Variants in RPTOR observed in about 807,000 individuals in gnomAD.
The protein encoded by RPTOR is regulatory associated protein of MTOR complex 1, also known as regulatory-associated protein of mTOR.
In RPTOR, 21 loss-of-function variants were observed where a neutral mutation model predicts 169.9. The ratio of observed to expected loss-of-function variants is 0.12; its 90% CI spans 0.09 to 0.18. The LOEUF (loss-of-function observed/expected upper bound fraction) is 0.18. Ranked by LOEUF, RPTOR falls within the 10% of genes least tolerant of loss-of-function variation. The pLI, the probability that RPTOR is intolerant of heterozygous loss-of-function variation, is 1.00. For missense variants in RPTOR, 1,133 were observed against 1,855.9 expected, an observed-to-expected ratio of 0.61 and a Z score of 7.16; for synonymous variants, 732 against 753.2, an observed-to-expected ratio of 0.97 and a Z score of 0.46.
At chr17:80,940,642 G>A in intron 25 of RPTOR, 41 bp downstream of exon 25, 1 of 1,525,592 alleles carries the variant, frequency 6.6e-7, no homozygotes, top group Non-Finnish European at 8.9e-7. Flanking sequence ...TCATTCCGGG[G>A]GTGGGGCCTG....
At chr17:80,809,068 CTT>C (rs1310466493) in intron 7 of RPTOR, among the ~76,000 whole-genome samples, 1 of 152,232 alleles carries the variant, frequency 6.6e-6, no homozygotes, top group Non-Finnish European at 1.5e-5. Flanking sequence ...GTGTGTTTAA[CTT>C]TATAAGAAAT....
chr17:80,597,509 TTTTCTCTTTTC>T (rs970403955), intron 1 of RPTOR, among the ~76,000 whole-genome samples: 5 of 152,020 alleles, frequency 3.3e-5, no homozygotes, highest in Non-Finnish European at 7.4e-5. Context: ...ATAGGCTTTG[TTTTCTCTTTTC>T]TTTTTCTTAT....
At chr17:80,950,335 C>T (rs2069158843) in intron 28 of RPTOR, among the ~76,000 whole-genome samples, 1 of 152,178 alleles carries the variant, frequency 6.6e-6, no homozygotes, top group Admixed American at 6.5e-5. Flanking sequence ...TGTGGCCTTA[C>T]ACCTCGTGGT....
At chr17:80,903,161 C>T (rs572312214) in intron 20 of RPTOR, among the ~76,000 whole-genome samples, 29 of 152,350 alleles carry the variant, frequency 1.9e-4, no homozygotes, top group Admixed American at 1.0e-3. Flanking sequence ...AGCCTGGAGC[C>T]GGCCCTGGTG....
intron 16 of RPTOR, 33 bp downstream of exon 16, chr17:80,884,005 C>T (rs1221409734): frequency 6.3e-7 from 1 of 1,590,026 alleles, no homozygotes; most frequent in Admixed American, 1.7e-5. Context: ...GTCCAGTCCT[C>T]CTGGCTGCCG....
rs2143744556 is a variant in RPTOR, at chr17:80,855,478, A to T, written c.1329A>T (p.Gln443His). 1 of 1,613,870 alleles carries T rather than the reference A, an allele frequency of 6.2e-7. No individual in the cohort carries two copies. Among genetic ancestry groups the T allele is most frequent in the Non-Finnish European group, 8.5e-7 (1 of 1,179,746 alleles). The change falls in exon 12 of 34, where the codon CAA (glutamine) becomes CAT (histidine). Residue 443 changes from glutamine to histidine, a missense_variant. Physicochemically the swap from Gln to His is conservative, Grantham distance 24. Transcript: ENST00000306801. The stretch of plus-strand genomic sequence containing the variant: ...TGTTCTTCCAGGTGCTGTTAAGCCA[A>T]GTGCACCGGCTGAGAGCATTGGACT... The part of the protein sequence containing the change: ...LPIVLQVLLS[Q>H]VHRLRALDLL...
At chr17:80,613,819 C>G (rs1254844940) in intron 1 of RPTOR, among the ~76,000 whole-genome samples, 2 of 151,444 alleles carry the variant, frequency 1.3e-5, no homozygotes, top group Admixed American at 6.6e-5. Flanking sequence ...CACAGGTGCT[C>G]TCTGTTGTTG....
chr17:80,601,553 G>GTTTTTTTTTTTTT (rs1414581021), intron 1 of RPTOR, among the ~76,000 whole-genome samples: 1 of 8,650 alleles, frequency 1.2e-4, no homozygotes, highest in Non-Finnish European at 3.3e-4. Flanking sequence ...AGATGGTTCA[G>GTTTTTTTTTTTTT]TCTTTTTTTT....
At chr17:80,854,288 A>G (rs1399769887) in intron 11 of RPTOR, among the ~76,000 whole-genome samples, 3 of 152,342 alleles carry the variant, frequency 2.0e-5, no homozygotes, top group South Asian at 2.1e-4. Flanking sequence ...TATTTAATTT[A>G]ATGAAACCCT....
At chr17:80,793,822 C>G (rs1355387907) in intron 7 of RPTOR, among the ~76,000 whole-genome samples, 1 of 152,264 alleles carries the variant, frequency 6.6e-6, no homozygotes, top group Non-Finnish European at 1.5e-5. Context: ...GTTATTGAGT[C>G]AAACTACCTT....
At chr17:80,547,004 G>A (rs1313336073) in intron 1 of RPTOR, among the ~76,000 whole-genome samples, 1 of 152,194 alleles carries the variant, frequency 6.6e-6, no homozygotes, top group Non-Finnish European at 1.5e-5. Flanking sequence ...GGGAGGCAGA[G>A]GTTGCAGTGA....
Position 80,945,728 on chromosome 17 carries a change from G to C in RPTOR, c.3087G>C (p.Val1029=), listed in dbSNP as rs1473237950. The C allele has an allele frequency of 6.2e-7, 1 of 1,611,884 alleles. No individual in the cohort carries two copies. The highest frequency in any genetic ancestry group is 8.5e-7 in the Non-Finnish European group (1 of 1,179,290). The change falls in exon 26 of 34, where the codon GTG becomes GTC. Residue 1029 remains valine (V), a synonymous_variant. Transcript: ENST00000306801. ...GGAACCCCGGCGTCCCCTCTGTGGT[G>C]AAATTCCACCCCTTCACGCCGTGCA... ...LNRNPGVPSV[V]KFHPFTPCIA...
rs77066138 is a variant in RPTOR, at chr17:80,884,893, C to T, written c.1843-115C>T. The T allele has an allele frequency of 1.1e-3, 1,515 of 1,351,100 alleles. 27 individuals carry two copies. In the East Asian group the frequency reaches 0.033, roughly 30 times the overall value. The allele number at this position is 1,351,100 out of a possible 1,614,324, so 83.7% of individuals were successfully genotyped here. ...CGAGGAGAGCCTTGGGCCTGGAGAG[C>T]TGTTGAGCAAGCGCCTGTGGGGTTG... On this transcript the variant is annotated intron_variant, in intron 16 of 33. Coordinates refer to ENST00000306801, the MANE Select transcript of RPTOR (RefSeq NM_020761.3).
chr17:80,663,808 C>A (rs1370562633), intron 3 of RPTOR, among the ~76,000 whole-genome samples: 3 of 151,874 alleles, frequency 2.0e-5, no homozygotes, highest in Non-Finnish European at 2.9e-5. Flanking sequence ...CCTTCCTCTG[C>A]TTGAGACTGG....
chr17:80,963,764 G>A (rs563838717), intron 33 of RPTOR, among the ~76,000 whole-genome samples: 137 of 97,090 alleles, frequency 1.4e-3, no homozygotes, highest in Non-Finnish European at 2.4e-3. Flanking sequence ...CCCTCACCCC[G>A]TCCCCTCTGC....
chr17:80,565,518 T>C (rs996805192), intron 1 of RPTOR, among the ~76,000 whole-genome samples: 2 of 147,998 alleles, frequency 1.4e-5, no homozygotes, highest in Non-Finnish European at 3.0e-5. Flanking sequence ...CAGGGGAGAA[T>C]GTGGTGAAGC....
At position 80,754,340 on chromosome 17, in the gene RPTOR, G is replaced by C. The variant is rs1272432684; in HGVS notation, c.830+155G>C. 6.6e-6 allele frequency among the ~76,000 whole-genome samples: 1 copy of C among 152,160 alleles called. No homozygotes were observed. The highest frequency in any genetic ancestry group is 1.5e-5 in the Non-Finnish European group (1 of 68,034). On this transcript the variant is annotated intron_variant, in intron 6 of 33. Transcript: ENST00000306801. This position sits in a 1 kb window ranked among gnomAD's most constrained non-coding sequence, Gnocchi z 4.2. ...TCTTTTTGTGTCATTCGGGATTCCA[G>C]GTGGAGGTTTGGGTTCTACTCTTTG...
At chr17:80,685,638 T>TA (rs1208258080) in intron 3 of RPTOR, among the ~76,000 whole-genome samples, 1,330 of 88,026 alleles carry the variant, frequency 0.015, 35 homozygotes, top group East Asian at 0.051. Context: ...TTTTTTTTTT[T>TA]TTTTTTTTTT....
chr17:80,585,792 A>G (rs1480207328), intron 1 of RPTOR, among the ~76,000 whole-genome samples: 1 of 152,200 alleles, frequency 6.6e-6, no homozygotes, highest in African/African-American at 2.4e-5. Flanking sequence ...TTTAGGAATT[A>G]TATTATTTTT....
Sources: allele counts gnomAD v4.1 joint callset (sites outside exome capture counted in the v4.1 genomes callset), GRCh38; gene constraint gnomAD v4.1.1; non-coding constraint Gnocchi (gnomAD v3.1); transcripts MANE v1.5; gene names NCBI Gene and HGNC (gene_info 2026-07-23, HGNC 2026-07-21).